PDSS2: variants seen among roughly 807,000 people sequenced by gnomAD.
PDSS2 encodes decaprenyl diphosphate synthase subunit 2.
Under a neutral mutation model 44.5 loss-of-function variants are expected in PDSS2, and 31 were observed. That is an observed-to-expected ratio of 0.70 (90% confidence interval 0.52 to 0.94). The LOEUF is 0.94. Ranked by LOEUF, PDSS2 falls within the 40% of genes least tolerant of loss-of-function variation. The pLI is 0.00. For synonymous variants in PDSS2, 157 were observed against 180.3 expected (o/e 0.87, Z 1.03); for missense variants, 452 against 482.2 (o/e 0.94, Z 0.59).
At chr6:107,288,701 T>C (rs572438602) in intron 2 of PDSS2, among the ~76,000 whole-genome samples, 1 of 150,378 alleles carries the variant, frequency 6.6e-6, no homozygotes, top group Non-Finnish European at 1.5e-5. Flanking sequence ...TCTAGAGCAG[T>C]ATGGGGTCAT....
At chr6:107,245,665 C>T (rs1333105191) in intron 3 of PDSS2, 46 bp from the exon 4 acceptor site, 2 of 1,190,978 alleles carry the variant, frequency 1.7e-6, no homozygotes, top group Non-Finnish European at 2.4e-6. Context: ...TTAAATATAT[C>T]TCTATTGTTA....
rs547309810 is a variant in PDSS2, at chr6:107,264,186, T to C, written c.630+9843A>G. The C allele has an allele frequency of 6.4e-4, 633 of 982,054 alleles. 1 individual carries two copies. The highest frequency in any genetic ancestry group is 2.4e-3 in the South Asian group (53 of 21,666). The allele number at this position is 982,054 out of a possible 1,614,324, so 60.8% of individuals were successfully genotyped here. A position where few individuals can be genotyped will look rare whatever the true frequency, so the allele number is the denominator to read the frequency against. ...CTATAACAGATAAGACAAACACAAA[T>C]AGACAATAGCATCTTTATTAAACTA... On this transcript the variant is annotated intron_variant, in intron 3 of 7. Coordinates refer to ENST00000369037, the MANE Select transcript of PDSS2 (RefSeq NM_020381.4).
At chr6:107,324,194 T>C (rs1470699408) in intron 2 of PDSS2, among the ~76,000 whole-genome samples, 1 of 152,216 alleles carries the variant, frequency 6.6e-6, no homozygotes, top group Non-Finnish European at 1.5e-5. Context: ...ATTAGTAATA[T>C]TACTAGATTT....
At chr6:107,421,957 G>A (rs993966345) in intron 1 of PDSS2, among the ~76,000 whole-genome samples, 2 of 151,528 alleles carry the variant, frequency 1.3e-5, no homozygotes, top group African/African-American at 2.4e-5. Flanking sequence ...ATGTTACCAC[G>A]GGGAAAGCTG....
At chr6:107,286,311 C>T (rs1287841119) in intron 2 of PDSS2, among the ~76,000 whole-genome samples, 1 of 151,250 alleles carries the variant, frequency 6.6e-6, no homozygotes, top group Non-Finnish European at 1.5e-5. Context: ...AGTTTGAGAC[C>T]AGCCTGGCCA....
intron 1 of PDSS2, among the ~76,000 whole-genome samples, chr6:107,399,055 A>G (rs1780030485): frequency 6.6e-6 from 1 of 152,264 alleles, no homozygotes; most frequent in South Asian, 2.1e-4. Context: ...AACAAAAGCT[A>G]GCACATATAC....
In PDSS2 at chr6:107,316,273, C is replaced by CTA. The variant is rs1443859668; in HGVS notation, c.431+17923_431+17924dup. Reference sequence around the variant, plus strand: ...CCCCTTAAACTGACAAAAGGATGAGCTATATATACATCACTTTAATTTTTC... The same window carrying CTA: ...CCCCTTAAACTGACAAAAGGATGAGCTATATATATACATCACTTTAATTTTTC... On this transcript the variant is annotated intron_variant, in intron 2 of 7. Coordinates refer to ENST00000369037, the MANE Select transcript of PDSS2 (RefSeq NM_020381.4). 3.3e-5 allele frequency among the ~76,000 whole-genome samples: 5 copies of CTA among 152,186 alleles called. No homozygotes were observed. In the East Asian group the frequency reaches 5.8e-4, roughly 18 times the overall value.
intron 7 of PDSS2, among the ~76,000 whole-genome samples, chr6:107,190,555 A>G (rs1425877986): frequency 6.6e-6 from 1 of 152,244 alleles, no homozygotes; most frequent in Non-Finnish European, 1.5e-5. Context: ...ATAACAGAGT[A>G]AGAGCAGTGA....
chr6:107,433,323 A>G (rs1781251991), intron 1 of PDSS2, among the ~76,000 whole-genome samples: 2 of 152,102 alleles, frequency 1.3e-5, no homozygotes, highest in Non-Finnish European at 2.9e-5. Flanking sequence ...GGCCATCCTG[A>G]CCAAAAGGAC....
At chr6:107,336,823 GTGGTGTGTGTGTGT>G (rs1777908757) in intron 1 of PDSS2, among the ~76,000 whole-genome samples, 3 of 131,256 alleles carry the variant, frequency 2.3e-5, no homozygotes, top group African/African-American at 5.7e-5. Flanking sequence ...AAAGAGGTGT[GTGGTGTGTGTGTGT>G]GTGTGTGTGT....
At chr6:107,399,267 T>C (rs1397803921) in intron 1 of PDSS2, among the ~76,000 whole-genome samples, 1 of 152,216 alleles carries the variant, frequency 6.6e-6, no homozygotes, top group Non-Finnish European at 1.5e-5. Flanking sequence ...CTTGGTCTTA[T>C]CTACCACACA....
intron 7 of PDSS2, among the ~76,000 whole-genome samples, chr6:107,168,776 C>T: frequency 6.6e-6 from 1 of 151,972 alleles, no homozygotes; most frequent in East Asian, 1.9e-4. Flanking sequence ...GTTGAAAATT[C>T]TTTTCTTTAA....
intron 1 of PDSS2, among the ~76,000 whole-genome samples, chr6:107,443,169 A>C (rs762213237): frequency 3.9e-5 from 6 of 152,216 alleles, no homozygotes; most frequent in Non-Finnish European, 7.3e-5. Flanking sequence ...AGAAATGAAT[A>C]AACCATAGCA....
chr6:107,449,954 T>G (rs1003586051), intron 1 of PDSS2, among the ~76,000 whole-genome samples: 6 of 152,208 alleles, frequency 3.9e-5, no homozygotes, highest in African/African-American at 1.4e-4. Context: ...AATGGACAAC[T>G]GGGTTGCTTC....
chr6:107,228,558 G>T (rs1474670808), intron 4 of PDSS2, among the ~76,000 whole-genome samples: 1 of 151,984 alleles, frequency 6.6e-6, no homozygotes, highest in Non-Finnish European at 1.5e-5. Flanking sequence ...AGCTGGGCGT[G>T]GTGGCAAGCG....
chr6:107,290,750 T>C (rs1304459806), intron 2 of PDSS2, among the ~76,000 whole-genome samples: 1 of 152,206 alleles, frequency 6.6e-6, no homozygotes, highest in Non-Finnish European at 1.5e-5. Flanking sequence ...ACATAAGGCC[T>C]TCCCTGGGCA....
chr6:107,447,360 A>G (rs1341775736), intron 1 of PDSS2, among the ~76,000 whole-genome samples: 1 of 152,114 alleles, frequency 6.6e-6, no homozygotes, highest in Non-Finnish European at 1.5e-5. Flanking sequence ...AAAAATCAAA[A>G]GCAAGTGCAT....
rs540903581 is a variant in PDSS2 at position 107,273,969 on chromosome 6, G to A, written c.630+60C>T. 1.5e-5 allele frequency: 20 copies of A among 1,343,742 alleles called. No individual in the cohort carries two copies. The African/African-American group carries it at 2.3e-4, about 15-fold the overall frequency. 83.2% of individuals were successfully genotyped at this position (1,343,742 alleles called of 1,614,324 possible). On this transcript the variant is annotated intron_variant, in intron 3 of 7. Coordinates refer to ENST00000369037, the MANE Select transcript of PDSS2 (RefSeq NM_020381.4). ...CCGGGCACACAGACCTGCAGCTCCA[G>A]CAGCCAACTAATTGCTACCTGAAGC... is the stretch of plus-strand genomic sequence containing the variant.
intron 1 of PDSS2, among the ~76,000 whole-genome samples, chr6:107,416,356 A>G (rs1306171720): frequency 1.3e-5 from 2 of 152,184 alleles, no homozygotes; most frequent in Non-Finnish European, 2.9e-5. Context: ...AATCTAGAAG[A>G]TGAACAGTTC....
Sources: allele counts gnomAD v4.1 joint callset (sites outside exome capture counted in the v4.1 genomes callset), GRCh38; gene constraint gnomAD v4.1.1; transcripts MANE v1.5; gene names NCBI Gene and HGNC (gene_info 2026-07-23, HGNC 2026-07-21).